The following IFT70B variants were observed in gnomAD, a reference collection of about 807,000 sequenced individuals.
IFT70B encodes the protein intraflagellar transport 70B.
the IFT70B span, chr2:177,552,681 G>A: frequency 6.3e-7 from 1 of 1,596,584 alleles, no homozygotes; most frequent in Non-Finnish European, 8.5e-7. Context: ...CACCGCCTCG[G>A]CGTAGCGTGC....
chr2:177,551,958 G>A, the IFT70B span: 14 of 1,614,210 alleles, frequency 8.7e-6, no homozygotes, highest in Non-Finnish European at 1.1e-5. Flanking sequence ...TTCTTGAGCT[G>A]CCTCATAGTT....
At chr2:177,552,166 T>C in the IFT70B span, 4 of 1,614,226 alleles carry the variant, frequency 2.5e-6, no homozygotes, top group Non-Finnish European at 3.4e-6. Context: ...TGTCGGCTGC[T>C]GTAATAGGCC....
chr2:177,549,072 C>T, the IFT70B span: 1 of 151,780 alleles, frequency 6.6e-6, no homozygotes, highest in East Asian at 1.9e-4. Context: ...ATTTACTTTC[C>T]AAATCTTAAG....
chr2:177,550,923 T>C, the IFT70B span: 2 of 1,614,160 alleles, frequency 1.2e-6, no homozygotes, highest in Non-Finnish European at 1.7e-6. Flanking sequence ...TTCTAGAAAC[T>C]GGACACATTC....
the IFT70B span, chr2:177,550,863 AG>A: frequency 6.2e-7 from 1 of 1,614,090 alleles, no homozygotes; most frequent in Non-Finnish European, 8.5e-7. Context: ...TTCTTCTTCC[AG>A]GGGTTGTTCA....
chr2:177,550,756 T>G, the IFT70B span: 1 of 1,562,756 alleles, frequency 6.4e-7, no homozygotes, highest in Non-Finnish European at 8.6e-7. Flanking sequence ...AATGCCACTA[T>G]CAGCTATTAC....
chr2:177,552,721 T>A, the IFT70B span: 1 of 1,590,538 alleles, frequency 6.3e-7, no homozygotes, highest in East Asian at 2.3e-5. Context: ...ACGACCGCGG[T>A]GAACTCCCCG....
the IFT70B span, chr2:177,552,725 C>A: frequency 1.1e-5 from 18 of 1,588,934 alleles, no homozygotes; most frequent in Non-Finnish European, 1.4e-5. Flanking sequence ...CCGCGGTGAA[C>A]TCCCCGTCGG....
the IFT70B span, chr2:177,551,772 C>T: frequency 6.2e-7 from 1 of 1,614,208 alleles, no homozygotes; most frequent in Non-Finnish European, 8.5e-7. Flanking sequence ...CTCATATTTA[C>T]AGTAGAGCAG....
chr2:177,552,659 G>A, the IFT70B span: 18 of 1,590,256 alleles, frequency 1.1e-5, no homozygotes, highest in South Asian at 1.7e-4. Flanking sequence ...GCAGTTCTCC[G>A]CCCAGCAGCT....
the IFT70B span, chr2:177,550,791 T>G: frequency 6.2e-7 from 1 of 1,609,544 alleles, no homozygotes. Flanking sequence ...TATAATCTCA[T>G]AAATCAAAGC....
At chr2:177,550,538 T>C in the IFT70B span, 2 of 410,016 alleles carry the variant, frequency 4.9e-6, no homozygotes, top group East Asian at 8.9e-5. Flanking sequence ...ACTTCTGATA[T>C]AAACATTCCT....
At chr2:177,549,668 G>A in the IFT70B span, 3 of 152,154 alleles carry the variant, frequency 2.0e-5, no homozygotes, top group African/African-American at 7.2e-5. Flanking sequence ...CTCTTGTAAG[G>A]TTCAGAAAAT....
At chr2:177,552,390 C>T in the IFT70B span, 1 of 1,613,884 alleles carries the variant, frequency 6.2e-7, no homozygotes, top group African/African-American at 1.3e-5. Flanking sequence ...ATCGCCCTCG[C>T]TGTACTTGAT....
At chr2:177,550,795 T>A in the IFT70B span, 1 of 1,610,450 alleles carries the variant, frequency 6.2e-7, no homozygotes, top group Non-Finnish European at 8.5e-7. Context: ...ATCTCATAAA[T>A]CAAAGCTTTT....
the IFT70B span, chr2:177,551,686 CAT>C: frequency 6.2e-7 from 1 of 1,614,196 alleles, no homozygotes; most frequent in Non-Finnish European, 8.5e-7. Context: ...TCCAAGAAGT[CAT>C]AGAGATAGGG....
the IFT70B span, chr2:177,550,952 A>G: frequency 1.2e-6 from 2 of 1,614,168 alleles, no homozygotes; most frequent in Non-Finnish European, 1.7e-6. Flanking sequence ...CACTATCACG[A>G]AGCATGATTG....
the IFT70B span, chr2:177,550,991 C>T: frequency 6.2e-7 from 1 of 1,614,154 alleles, no homozygotes; most frequent in Non-Finnish European, 8.5e-7. Context: ...CTAACAAGGA[C>T]AGGAAGCATC....
the IFT70B span, chr2:177,549,414 G>A: frequency 9.8e-5 from 15 of 152,320 alleles, no homozygotes; most frequent in African/African-American, 3.6e-4. Context: ...ATGTGGCTAA[G>A]TGGTTCCTTT....
Sources: gnomAD v4.1 joint callset for allele counts on GRCh38, gnomAD v4.1.1 for gene constraint, MANE v1.5 for transcripts, NCBI Gene and HGNC (gene_info 2026-07-23, HGNC 2026-07-21) for gene names.